Variants in GPC5 observed in about 807,000 individuals in gnomAD.
GPC5 encodes the protein glypican 5.
Under a neutral mutation model 53.9 loss-of-function variants are expected in GPC5, and 47 were observed. The observed-to-expected ratio is 0.87, with a 90% CI of 0.69 to 1.11. GPC5 has a LOEUF of 1.11. Among genes scored for constraint, GPC5 ranks in the 50% most tolerant of loss-of-function variants. The pLI, the probability that GPC5 is intolerant of heterozygous loss-of-function variation, is 0.00. For synonymous variants in GPC5, 286 were observed against 263.3 expected (o/e 1.09, Z -0.84); for missense variants, 748 against 713.1 (o/e 1.05, Z -0.56).
chr13:92,820,234 G>A (rs1167250793), intron 7 of GPC5, among the ~76,000 whole-genome samples: 1 of 152,106 alleles, frequency 6.6e-6, no homozygotes, highest in African/African-American at 2.4e-5. Flanking sequence ...CTCTTTGTCA[G>A]TTAATTTTGC....
chr13:91,678,737 GT>G (rs72106700), intron 2 of GPC5, among the ~76,000 whole-genome samples: 29,522 of 144,426 alleles, frequency 0.2, 3,581 homozygotes, highest in African/African-American at 0.35. Flanking sequence ...AGGAGTTTTT[GT>G]TTTTTTTTTT....
intron 7 of GPC5, among the ~76,000 whole-genome samples, chr13:92,768,907 C>A (rs535946118): frequency 4.6e-5 from 7 of 151,994 alleles, no homozygotes; most frequent in African/African-American, 4.8e-5. Context: ...ATTTCTCCAA[C>A]GTCGAGGATA....
At chr13:92,186,165 A>G (rs1046021810) in intron 7 of GPC5, among the ~76,000 whole-genome samples, 2 of 152,018 alleles carry the variant, frequency 1.3e-5, no homozygotes, top group African/African-American at 4.8e-5. Context: ...TTTTAACAAA[A>G]GCATTCTGGT....
chr13:92,630,507 A>G (rs1466698743), intron 7 of GPC5, among the ~76,000 whole-genome samples: 2 of 152,128 alleles, frequency 1.3e-5, no homozygotes, highest in Non-Finnish European at 2.9e-5. Flanking sequence ...TTAAGAAAAT[A>G]CTTTCTGACA....
At chr13:92,685,544 A>ATTTTTTTTTTTTTTAAT (rs1485525531) in intron 7 of GPC5, among the ~76,000 whole-genome samples, 1 of 105,612 alleles carries the variant, frequency 9.5e-6, no homozygotes, top group African/African-American at 3.8e-5. Flanking sequence ...AATTATGCTC[A>ATTTTTTTTTTTTTTAAT]TTTTTTTTTT....
chr13:91,719,948 T>C (rs535164213), intron 3 of GPC5, among the ~76,000 whole-genome samples: 1 of 152,300 alleles, frequency 6.6e-6, no homozygotes, highest in Non-Finnish European at 1.5e-5. Flanking sequence ...GAAAGGCATG[T>C]CAAATTCAGG....
chr13:92,433,961 A>T (rs1203793673), intron 7 of GPC5, among the ~76,000 whole-genome samples: 1 of 152,164 alleles, frequency 6.6e-6, no homozygotes, highest in Non-Finnish European at 1.5e-5. Context: ...AACTTGGAAA[A>T]CTGGAGAAAA....
At chr13:92,509,020 A>T (rs919698152) in intron 7 of GPC5, among the ~76,000 whole-genome samples, 12 of 152,212 alleles carry the variant, frequency 7.9e-5, no homozygotes, top group African/African-American at 2.9e-4. Flanking sequence ...GCTTGTGAAG[A>T]TAACATCCTA....
chr13:91,604,709 A>G (rs1240810995), intron 2 of GPC5, among the ~76,000 whole-genome samples: 2,001 of 122,366 alleles, frequency 0.016, 44 homozygotes, highest in African/African-American at 0.068. Flanking sequence ...GCCAGTGATG[A>G]TGAGCATTTT....
At chr13:91,437,008 A>G (rs1195732079) in intron 1 of GPC5, among the ~76,000 whole-genome samples, 1 of 150,968 alleles carries the variant, frequency 6.6e-6, no homozygotes, top group Admixed American at 6.6e-5. Flanking sequence ...TGGAATTGCA[A>G]CCCCTGCCTT....
At chr13:92,128,613 G>T (rs1312017872) in intron 6 of GPC5, among the ~76,000 whole-genome samples, 1 of 152,166 alleles carries the variant, frequency 6.6e-6, no homozygotes, top group African/African-American at 2.4e-5. Context: ...AGCAAAACCT[G>T]TTTAGAACAG....
chr13:91,794,701 G>A (rs1566266186), intron 5 of GPC5, among the ~76,000 whole-genome samples: 1 of 152,214 alleles, frequency 6.6e-6, no homozygotes, highest in Non-Finnish European at 1.5e-5. Flanking sequence ...CGTCTAGCAA[G>A]TGAGTCTTCC....
At chr13:91,600,150 T>G (rs1303737927) in intron 2 of GPC5, among the ~76,000 whole-genome samples, 3 of 152,154 alleles carry the variant, frequency 2.0e-5, no homozygotes, top group African/African-American at 7.2e-5. Context: ...CTTGAACTCC[T>G]GATCTCACAA....
intron 7 of GPC5, among the ~76,000 whole-genome samples, chr13:92,647,670 T>C (rs1885818348): frequency 6.6e-6 from 1 of 152,090 alleles, no homozygotes; most frequent in Admixed American, 6.6e-5. Context: ...TAAAAATTGT[T>C]TTGAGTACAT....
intron 6 of GPC5, among the ~76,000 whole-genome samples, chr13:91,939,311 A>G (rs1364632010): frequency 6.6e-6 from 1 of 152,164 alleles, no homozygotes; most frequent in Non-Finnish European, 1.5e-5. Flanking sequence ...CTTAAAACAA[A>G]TTAATTTTAA....
At chr13:91,921,661 C>T (rs1302083407) in intron 6 of GPC5, among the ~76,000 whole-genome samples, 2 of 151,986 alleles carry the variant, frequency 1.3e-5, no homozygotes, top group African/African-American at 4.8e-5. Flanking sequence ...TTTGCCAAAA[C>T]TACGGCAGAT....
intron 2 of GPC5, among the ~76,000 whole-genome samples, chr13:91,460,833 G>T (rs985330396): frequency 6.6e-6 from 1 of 151,408 alleles, no homozygotes; most frequent in Non-Finnish European, 1.5e-5. Flanking sequence ...CCATAATATT[G>T]ATTTGGTAAA....
chr13:92,028,813 C>G (rs901085293), intron 6 of GPC5, among the ~76,000 whole-genome samples: 5 of 152,006 alleles, frequency 3.3e-5, no homozygotes, highest in Middle Eastern at 3.2e-3. Flanking sequence ...ATAAAAAAAG[C>G]AAGTCTCCCT....
chr13:92,220,558 A>G (rs1006130061), intron 7 of GPC5, among the ~76,000 whole-genome samples: 1 of 152,260 alleles, frequency 6.6e-6, no homozygotes, highest in Admixed American at 6.5e-5. Flanking sequence ...ACTATCGGGA[A>G]GTAAACTTAA....
Sources: gnomAD v4.1 joint callset for allele counts (sites outside exome capture counted in the v4.1 genomes callset) on GRCh38, gnomAD v4.1.1 for gene constraint, MANE v1.5 for transcripts, NCBI Gene and HGNC (gene_info 2026-07-23, HGNC 2026-07-21) for gene names.